The following HTR2C variants were observed in gnomAD, a reference collection of about 807,000 sequenced individuals.
HTR2C encodes 5-hydroxytryptamine receptor 2C.
In HTR2C, 5 loss-of-function variants were observed where a neutral mutation model predicts 21.0. That is an observed-to-expected ratio of 0.24 (90% CI 0.12 to 0.50). The LOEUF (loss-of-function observed/expected upper bound fraction) is 0.50, where lower values mean the gene tolerates loss of function less well. HTR2C is among the 20% of genes least tolerant of loss of function. HTR2C has a pLI of 0.98. For missense variants in HTR2C, 271 were observed against 371.2 expected (o/e 0.73, Z 2.22); for synonymous variants, 150 against 145.3 (o/e 1.03, Z -0.23).
rs187257084 is a variant in HTR2C, at chrX:114,873,063, T to C, written c.550+24860T>C. ...GTCCTTATTCCACTATTCCCACTTG[T>C]GTACCTCCAGTGATATGATGTTTTA... On this transcript the variant is annotated intron_variant, in intron 5 of 5. Coordinates refer to ENST00000276198, the MANE Select transcript of HTR2C (RefSeq NM_000868.4). Among the ~76,000 whole-genome samples the C allele has an allele frequency of 4.9e-3, 554 of 112,062 alleles. 1 individual carries two copies. Among genetic ancestry groups the C allele is most frequent in the African/African-American group, 0.017 (519 of 31,004 alleles).
rs908666086 is a variant in HTR2C at position 114,836,883 on chromosome X, A to G, written c.350-11120A>G. Reference sequence around the variant, plus strand: ...TTTATCTGTAAATTTTTTTATGTACACAATCATGTTTTCATTTTTCCTTTT... The same window carrying G: ...TTTATCTGTAAATTTTTTTATGTACGCAATCATGTTTTCATTTTTCCTTTT... On this transcript the variant is annotated intron_variant, in intron 4 of 5. Coordinates refer to ENST00000276198, the MANE Select transcript of HTR2C (RefSeq NM_000868.4). 6.2e-5 allele frequency among the ~76,000 whole-genome samples: 7 copies of G among 112,225 alleles called. No individual in the cohort carries two copies. The Admixed American group carries it at 6.6e-4, about 11-fold the overall frequency.
intron 4 of HTR2C, among the ~76,000 whole-genome samples, chrX:114,805,942 T>TATATATACACCATATATATACC (rs2070419022): frequency 1.2e-5 from 1 of 85,906 alleles, no homozygotes; most frequent in African/African-American, 4.4e-5. Context: ...ATATATACCA[T>TATATATACACCATATATATACC]ATATATATAC....
intron 4 of HTR2C, among the ~76,000 whole-genome samples, chrX:114,793,967 A>G (rs979978137): frequency 9.0e-6 from 1 of 110,914 alleles, no homozygotes; most frequent in African/African-American, 3.3e-5. Flanking sequence ...GAGAATAGCG[A>G]GTATCAGAGA....
rs781925201 is a variant in HTR2C at position 114,856,834 on chromosome X, A to T, written c.550+8631A>T. On this transcript the variant is annotated intron_variant, in intron 5 of 5. Coordinates refer to ENST00000276198, the MANE Select transcript of HTR2C (RefSeq NM_000868.4). ...ATAACTTCTTGTACAGTTTGGTGTC[A>T]TCTGCTTGATTCATGCCAAGGCACC... is the stretch of plus-strand genomic sequence containing the variant. 2.7e-5 allele frequency among the ~76,000 whole-genome samples: 3 copies of T among 111,634 alleles called. No homozygotes were observed. In the East Asian group the frequency reaches 8.5e-4, roughly 32 times the overall value.
chrX:114,850,815 A>G (rs1227764287), intron 5 of HTR2C, among the ~76,000 whole-genome samples: 1 of 111,838 alleles, frequency 8.9e-6, no homozygotes, highest in Admixed American at 9.5e-5. Flanking sequence ...AGACTGTCAT[A>G]TAGGCTTTCA....
At position 114,846,885 on chromosome X, in the gene HTR2C, C is replaced by A. The variant is rs180714299; in HGVS notation, c.350-1118C>A. Reference sequence around the variant, plus strand: ...TATTTCTATTTGCAGAAGACATGATCTTATATATGGAAAATCCCAAAGAGT... The same window carrying A: ...TATTTCTATTTGCAGAAGACATGATATTATATATGGAAAATCCCAAAGAGT... On this transcript the variant is annotated intron_variant, in intron 4 of 5. Transcript: ENST00000276198. Among the ~76,000 whole-genome samples the A allele has an allele frequency of 5.4e-5, 6 of 111,911 alleles. 1 individual carries two copies. The highest frequency in any genetic ancestry group is 1.9e-4 in the African/African-American group (6 of 30,871).
intron 5 of HTR2C, among the ~76,000 whole-genome samples, chrX:114,860,852 C>A (rs1469942901): frequency 9.0e-6 from 1 of 111,113 alleles, no homozygotes; most frequent in Non-Finnish European, 1.9e-5. Flanking sequence ...TGTCCCTGAA[C>A]AATCACTGAT....
chrX:114,778,400 T>C (rs1371292465), intron 4 of HTR2C, among the ~76,000 whole-genome samples: 1 of 111,756 alleles, frequency 8.9e-6, no homozygotes, highest in Non-Finnish European at 1.9e-5. Context: ...TTCTTAGGAA[T>C]TGATTTTATT....
At chrX:114,833,694 A>G (rs2070752239) in intron 4 of HTR2C, among the ~76,000 whole-genome samples, 1 of 109,551 alleles carries the variant, frequency 9.1e-6, no homozygotes, top group Non-Finnish European at 1.9e-5. Flanking sequence ...TTGTGTCTCT[A>G]TTTCCTTCAG....
At chrX:114,811,895 G>A (rs5946173) in intron 4 of HTR2C, among the ~76,000 whole-genome samples, 8 of 110,784 alleles carry the variant, frequency 7.2e-5, no homozygotes, top group African/African-American at 2.6e-4. Flanking sequence ...CTAGTGTCAC[G>A]TTTTTCCTAC....
Position 114,831,774 on chromosome X carries a change from A to G in HTR2C, c.350-16229A>G, listed in dbSNP as rs1197457929. 2.9e-5 allele frequency among the ~76,000 whole-genome samples: 3 copies of G among 104,630 alleles called. No individual in the cohort carries two copies. In the Admixed American group the frequency reaches 3.1e-4, roughly 11 times the overall value. The allele number at this position is 104,630 out of a possible 115,157, so 90.9% of individuals were successfully genotyped here. On this transcript the variant is annotated intron_variant, in intron 4 of 5. Coordinates refer to ENST00000276198, the MANE Select transcript of HTR2C (RefSeq NM_000868.4). Reference sequence around the variant, plus strand: ...TGTTTTAGACATGAAGTCCTTGCCCATGCCTATGTCCTGAATGGTAATGCC... The same window carrying G: ...TGTTTTAGACATGAAGTCCTTGCCCGTGCCTATGTCCTGAATGGTAATGCC...
intron 2 of HTR2C, among the ~76,000 whole-genome samples, chrX:114,680,261 T>C (rs1931702433): frequency 8.9e-6 from 1 of 112,392 alleles, no homozygotes; most frequent in Non-Finnish European, 1.9e-5. Flanking sequence ...TAAAAGCAAT[T>C]TATTAAGTGA....
At chrX:114,628,322 T>TCCAC (rs1929462510) in intron 2 of HTR2C, among the ~76,000 whole-genome samples, 1 of 110,141 alleles carries the variant, frequency 9.1e-6, no homozygotes, top group Non-Finnish European at 1.9e-5. Context: ...CACTGCAACT[T>TCCAC]CTGCTGCCCG....
chrX:114,633,924 ATGCATGTG>A (rs1556404762), intron 2 of HTR2C, among the ~76,000 whole-genome samples: 6 of 68,999 alleles, frequency 8.7e-5, no homozygotes, highest in Non-Finnish European at 5.3e-5. Context: ...TTAAATATAT[ATGCATGTG>A]TATATATATA....
chrX:114,863,151 T>C (rs1487846726), intron 5 of HTR2C, among the ~76,000 whole-genome samples: 3 of 111,906 alleles, frequency 2.7e-5, no homozygotes, highest in African/African-American at 9.7e-5. Flanking sequence ...ACAATAAACA[T>C]GAGAGTGCAG....
chrX:114,716,541 G>C (rs1246022764), intron 2 of HTR2C, among the ~76,000 whole-genome samples: 1 of 110,788 alleles, frequency 9.0e-6, no homozygotes, highest in Non-Finnish European at 1.9e-5. Flanking sequence ...TTGGAGGAGA[G>C]GGAATAAAAG....
chrX:114,873,434 C>T (rs782335191), intron 5 of HTR2C, among the ~76,000 whole-genome samples: 15 of 111,242 alleles, frequency 1.3e-4, no homozygotes, highest in Non-Finnish European at 2.5e-4. Flanking sequence ...GTATGCCCAG[C>T]ATTATGGATT....
intron 4 of HTR2C, among the ~76,000 whole-genome samples, chrX:114,733,768 G>C (rs781864506): frequency 9.0e-6 from 1 of 111,089 alleles, no homozygotes; most frequent in Non-Finnish European, 1.9e-5. Flanking sequence ...ACAAAGAAAA[G>C]AGGATGCTCT....
intron 1 of HTR2C, among the ~76,000 whole-genome samples, chrX:114,611,737 G>A (rs1928742593): frequency 9.0e-6 from 1 of 111,124 alleles, no homozygotes; most frequent in African/African-American, 3.3e-5. Context: ...TCGCTCTGTC[G>A]CCCAGGCTGG....
Sources: allele counts gnomAD v4.1 joint callset (sites outside exome capture counted in the v4.1 genomes callset), GRCh38; gene constraint gnomAD v4.1.1; transcripts MANE v1.5; gene names NCBI Gene and HGNC (gene_info 2026-07-23, HGNC 2026-07-21).